NLGN1: variants seen among roughly 807,000 people sequenced by gnomAD.
The protein encoded by NLGN1 is neuroligin 1.
A neutral mutation model predicts 65.5 loss-of-function variants in NLGN1; 12 were observed. The observed-to-expected ratio is 0.18, with a 90% CI of 0.12 to 0.30. The LOEUF (loss-of-function observed/expected upper bound fraction) is 0.30. Among genes scored for constraint, NLGN1 ranks in the 10% least tolerant of loss-of-function variants. The pLI, the probability that NLGN1 is intolerant of heterozygous loss-of-function variation, is 1.00. For synonymous variants in NLGN1, 350 were observed against 359.5 expected (o/e 0.97, Z 0.30); for missense variants, 750 against 1,007.1 (o/e 0.74, Z 3.46).
intron 3 of NLGN1, among the ~76,000 whole-genome samples, chr3:173,747,123 G>A (rs755407457): frequency 1.4e-5 from 2 of 147,742 alleles, no homozygotes; most frequent in African/African-American, 5.0e-5. Context: ...ACGTGTATAC[G>A]TGTGTGTGTA....
intron 4 of NLGN1, among the ~76,000 whole-genome samples, chr3:174,043,506 C>T (rs535154157): frequency 6.6e-6 from 1 of 152,158 alleles, no homozygotes; most frequent in Admixed American, 6.5e-5. Flanking sequence ...TTGGCTAAAA[C>T]AAAGGAGCTA....
At chr3:173,652,600 C>A (rs188154651) in intron 3 of NLGN1, among the ~76,000 whole-genome samples, 15 of 152,202 alleles carry the variant, frequency 9.9e-5, no homozygotes, top group African/African-American at 2.9e-4. Context: ...TTCCGTTGAT[C>A]TATTTGTCTG....
chr3:173,630,589 A>AT (rs1362481038), intron 3 of NLGN1, among the ~76,000 whole-genome samples: 2 of 151,760 alleles, frequency 1.3e-5, no homozygotes, highest in Non-Finnish European at 2.9e-5. Flanking sequence ...TCAGTCATCT[A>AT]TTTTTAACAT....
intron 4 of NLGN1, among the ~76,000 whole-genome samples, chr3:174,083,900 A>G (rs9827001): frequency 0.024 from 3,622 of 152,270 alleles, 127 homozygotes; most frequent in African/African-American, 0.077. Flanking sequence ...ACTGCTGCAC[A>G]TTATGAAGAA....
intron 4 of NLGN1, among the ~76,000 whole-genome samples, chr3:173,832,952 T>G (rs1043620667): frequency 6.6e-6 from 1 of 152,182 alleles, no homozygotes; most frequent in East Asian, 1.9e-4. Flanking sequence ...TCCCAGAAAC[T>G]TTCTATTTCA....
At chr3:174,188,115 C>G (rs923750315) in intron 4 of NLGN1, among the ~76,000 whole-genome samples, 10 of 151,882 alleles carry the variant, frequency 6.6e-5, no homozygotes, top group African/African-American at 2.2e-4. Flanking sequence ...AAGAGTGTAG[C>G]GCTTCAAAGG....
intron 3 of NLGN1, among the ~76,000 whole-genome samples, chr3:173,665,639 CA>C (rs1366136807): frequency 6.6e-6 from 1 of 151,898 alleles, no homozygotes; most frequent in East Asian, 1.9e-4. Context: ...ATCTTGTTAT[CA>C]AAAAAATTCT....
intron 4 of NLGN1, among the ~76,000 whole-genome samples, chr3:174,201,372 AAGGAAAG>A (rs60450479): frequency 0.089 from 12,705 of 143,362 alleles, 1,244 homozygotes; most frequent in African/African-American, 0.24. Context: ...GGAAGGAAGG[AAGGAAAG>A]AAGGAAGGAA....
At chr3:173,957,969 C>G (rs934026512) in intron 4 of NLGN1, among the ~76,000 whole-genome samples, 2 of 152,130 alleles carry the variant, frequency 1.3e-5, no homozygotes, top group Non-Finnish European at 2.9e-5. Context: ...CTGCACACAG[C>G]CAGGCACACC....
At chr3:174,131,483 A>G (rs1401377076) in intron 4 of NLGN1, among the ~76,000 whole-genome samples, 1 of 152,154 alleles carries the variant, frequency 6.6e-6, no homozygotes, top group East Asian at 1.9e-4. Flanking sequence ...AGTTTTTTCT[A>G]CATTAAACTC....
chr3:174,201,960 G>T (rs1734586588), intron 4 of NLGN1, among the ~76,000 whole-genome samples: 1 of 151,864 alleles, frequency 6.6e-6, no homozygotes, highest in Admixed American at 6.6e-5. Flanking sequence ...ATTTCTCTGT[G>T]TACTTCTTAT....
At chr3:173,510,711 C>T (rs531461357) in intron 2 of NLGN1, among the ~76,000 whole-genome samples, 79 of 148,228 alleles carry the variant, frequency 5.3e-4, no homozygotes, top group African/African-American at 2.0e-3. Flanking sequence ...TGTGCCTTGT[C>T]GTTATAAAAA....
chr3:173,429,962 A>G (rs1716891967), intron 1 of NLGN1, among the ~76,000 whole-genome samples: 1 of 152,162 alleles, frequency 6.6e-6, no homozygotes, highest in Non-Finnish European at 1.5e-5. Context: ...CCTGGCTGGT[A>G]CTAGCCACAC....
intron 4 of NLGN1, among the ~76,000 whole-genome samples, chr3:174,207,030 A>C (rs1180849858): frequency 2.0e-5 from 3 of 152,142 alleles, no homozygotes; most frequent in Non-Finnish European, 2.9e-5. Flanking sequence ...ACAATGAGTA[A>C]AACAACCCCG....
At chr3:173,995,525 A>G (rs537344012) in intron 4 of NLGN1, among the ~76,000 whole-genome samples, 1 of 152,290 alleles carries the variant, frequency 6.6e-6, no homozygotes, top group African/African-American at 2.4e-5. Flanking sequence ...ATGGTATCCC[A>G]CTGTACAAAT....
At chr3:173,802,138 A>G (rs1006767541) in intron 3 of NLGN1, among the ~76,000 whole-genome samples, 3 of 150,240 alleles carry the variant, frequency 2.0e-5, no homozygotes, top group Non-Finnish European at 3.0e-5. Context: ...TGCTTATTTA[A>G]TGTGATTTTT....
At chr3:173,454,790 C>T (rs1347183389) in intron 2 of NLGN1, among the ~76,000 whole-genome samples, 1 of 152,192 alleles carries the variant, frequency 6.6e-6, no homozygotes, top group African/African-American at 2.4e-5. Context: ...TTCTCTGTAT[C>T]AGCAATAACA....
chr3:173,843,538 G>C (rs2171559), intron 4 of NLGN1, among the ~76,000 whole-genome samples: 40,607 of 152,062 alleles, frequency 0.27, 6,835 homozygotes, highest in African/African-American at 0.47. Context: ...TCATCTGCCA[G>C]ATACCCTAAA....
intron 4 of NLGN1, among the ~76,000 whole-genome samples, chr3:174,261,942 C>G (rs1421174359): frequency 6.8e-6 from 1 of 146,252 alleles, no homozygotes; most frequent in Non-Finnish European, 1.5e-5. Context: ...TTGAGATAAT[C>G]ATGTGGTTTT....
Sources: allele counts gnomAD v4.1 joint callset (sites outside exome capture counted in the v4.1 genomes callset), GRCh38; gene constraint gnomAD v4.1.1; transcripts MANE v1.5; gene names NCBI Gene and HGNC (gene_info 2026-07-23, HGNC 2026-07-21).